Variants in ARHGEF18 observed in about 807,000 individuals in gnomAD.
ARHGEF18 encodes rho guanine nucleotide exchange factor 18.
Under a neutral mutation model 155.7 loss-of-function variants are expected in ARHGEF18, and 93 were observed. The ratio of observed to expected loss-of-function variants is 0.60; its 90% CI spans 0.50 to 0.71. The LOEUF (loss-of-function observed/expected upper bound fraction) is 0.71. Ranked by LOEUF, ARHGEF18 falls within the 30% of genes least tolerant of loss-of-function variation. The pLI is 0.00. For synonymous variants in ARHGEF18, 742 were observed against 753.1 expected (o/e 0.99, Z 0.24); for missense variants, 1,593 against 1,816.1 (o/e 0.88, Z 2.23).
At chr19:7,478,448 G>C in the ARHGEF18 span, 1 of 1,468,750 alleles carries the variant, frequency 6.8e-7, no homozygotes, top group South Asian at 1.2e-5. Context: ...CGCTGGCCCC[G>C]GACATACAGT....
chr19:7,370,440 G>A (rs975083055), intron 2 of ARHGEF18, among the ~76,000 whole-genome samples: 12 of 152,000 alleles, frequency 7.9e-5, no homozygotes, highest in Non-Finnish European at 1.5e-4. Flanking sequence ...AGCTTGCAGT[G>A]AGCTGAGATT....
At position 7,384,374 on chromosome 19, in the gene ARHGEF18, A is replaced by T. The variant is rs150313256; in HGVS notation, c.967+1171A>T. 2.9e-3 allele frequency among the ~76,000 whole-genome samples: 445 copies of T among 152,308 alleles called. 1 individual carries two copies. The highest frequency in any genetic ancestry group is 7.3e-3 in the African/African-American group (304 of 41,572). On this transcript the variant is annotated intron_variant, in intron 10 of 28. Transcript: ENST00000668164. ...AGACAGGAATCAATGGGTGAATGAG[A>T]TGGGCAAACAGATCCTAGATGGGCT...
intron 2 of ARHGEF18, among the ~76,000 whole-genome samples, chr19:7,367,125 A>G (rs1969921721): frequency 6.6e-6 from 1 of 152,188 alleles, no homozygotes; most frequent in African/African-American, 2.4e-5. Flanking sequence ...GCATTGCCCA[A>G]GCATCTCATT....
chr19:7,365,524 C>T (rs1382422437), intron 2 of ARHGEF18, among the ~76,000 whole-genome samples: 1 of 152,202 alleles, frequency 6.6e-6, no homozygotes, highest in African/African-American at 2.4e-5. Context: ...CTGCGCCCTC[C>T]CTGGGATCTG....
intron 10 of ARHGEF18, among the ~76,000 whole-genome samples, chr19:7,436,761 G>A (rs1180283574): frequency 6.6e-6 from 1 of 152,134 alleles, no homozygotes; most frequent in Non-Finnish European, 1.5e-5. Context: ...TTGCCTGGGT[G>A]GAGTTGAGTG....
rs185285214 is a variant in ARHGEF18 at position 7,463,126 on chromosome 19, G to A, written c.2636-692G>A. 7.2e-5 allele frequency among the ~76,000 whole-genome samples: 11 copies of A among 152,158 alleles called. No homozygotes were observed. Among genetic ancestry groups the A allele is most frequent in the Non-Finnish European group, 1.0e-4 (7 of 67,980 alleles). Reference sequence around the variant, plus strand: ...TGGGATTATAGGCGTGAGCCACCGCGCCCTGCCTCAATCTGCTCTTTCAAC... The same window carrying A: ...TGGGATTATAGGCGTGAGCCACCGCACCCTGCCTCAATCTGCTCTTTCAAC... On this transcript the variant is annotated intron_variant, in intron 21 of 28. Coordinates refer to ENST00000668164, the MANE Select transcript of ARHGEF18 (RefSeq NM_001367823.1). The surrounding 1 kb of genome is among the most constrained non-coding windows in gnomAD (Gnocchi z 5.2).
intron 6 of ARHGEF18, 110 bp from the exon 7 acceptor site, chr19:7,379,012 G>C: frequency 2.1e-6 from 2 of 947,544 alleles, no homozygotes; most frequent in Non-Finnish European, 2.7e-6. Context: ...TTTGAGTAGG[G>C]TCTGCATCAG....
At chr19:7,390,152 G>T (rs569095229) in intron 10 of ARHGEF18, among the ~76,000 whole-genome samples, 2 of 152,102 alleles carry the variant, frequency 1.3e-5, no homozygotes, top group Non-Finnish European at 2.9e-5. Context: ...GCTATGATTT[G>T]CCACTGCCCT....
At chr19:7,375,435 GAAAA>G in intron 3 of ARHGEF18, among the ~76,000 whole-genome samples, 1 of 151,190 alleles carries the variant, frequency 6.6e-6, no homozygotes, top group African/African-American at 2.4e-5. Flanking sequence ...AAGGAAGGAA[GAAAA>G]GAAAAGAAAG....
chr19:7,438,481 G>A (rs1974413527), intron 10 of ARHGEF18, among the ~76,000 whole-genome samples: 3 of 148,538 alleles, frequency 2.0e-5, no homozygotes, highest in Non-Finnish European at 4.5e-5. Flanking sequence ...GCACGGTCTC[G>A]GCTCACCACA....
At chr19:7,375,294 GAAAGAAAGAAAAGAAAGAA>G (rs1970389946) in intron 3 of ARHGEF18, among the ~76,000 whole-genome samples, 1 of 70,870 alleles carries the variant, frequency 1.4e-5, no homozygotes, top group African/African-American at 5.1e-5. Context: ...AGAAAGAAAA[GAAAGAAAGAAAAGAAAGAA>G]AAAGAAAGAA....
intron 10 of ARHGEF18, among the ~76,000 whole-genome samples, chr19:7,387,062 C>G (rs904797057): frequency 6.6e-6 from 1 of 152,102 alleles, no homozygotes; most frequent in African/African-American, 2.4e-5. Context: ...GATCTCCAAC[C>G]AGAACATGCG....
chr19:7,467,151 C>T (rs376405625), intron 25 of ARHGEF18, 33 bp downstream of exon 25: 33 of 1,582,052 alleles, frequency 2.1e-5, no homozygotes, highest in Non-Finnish European at 2.8e-5. Context: ...GCCACGCGTG[C>T]CCTTTCCTGG....
At chr19:7,467,726 GGTTTGCACGTGC>G in intron 26 of ARHGEF18, 42 bp downstream of exon 26, 5 of 1,421,432 alleles carry the variant, frequency 3.5e-6, no homozygotes, top group Non-Finnish European at 3.7e-6. Context: ...GGGGGTGACC[GGTTTGCACGTGC>G]ATTTGCACGA....
At chr19:7,458,761 C>A in intron 19 of ARHGEF18, 71 bp downstream of exon 19, 2 of 1,493,322 alleles carry the variant, frequency 1.3e-6, no homozygotes, top group African/African-American at 1.4e-5. Context: ...TGGCTTCGAC[C>A]GTTGGCCATC....
chr19:7,421,423 C>G (rs932003005), intron 10 of ARHGEF18, among the ~76,000 whole-genome samples: 3 of 152,112 alleles, frequency 2.0e-5, no homozygotes, highest in African/African-American at 4.8e-5. Flanking sequence ...ACTGTACCCC[C>G]CTCTTCTTTT....
chr19:7,435,399 C>A (rs1281484110), intron 10 of ARHGEF18, among the ~76,000 whole-genome samples: 1 of 152,110 alleles, frequency 6.6e-6, no homozygotes, highest in Non-Finnish European at 1.5e-5. Context: ...GGGCACACCA[C>A]ACAGGGGCCA....
chr19:7,440,013 GCT>G lies in ARHGEF18; in HGVS notation c.968-328_968-327del, dbSNP rs1974522505. 1 of 1,550,550 alleles carries G rather than the reference GCT, an allele frequency of 6.4e-7. No individual in the cohort carries two copies. Among genetic ancestry groups the G allele is most frequent in the Admixed American group, 2.0e-5 (1 of 50,946 alleles). On this transcript the variant is annotated intron_variant, in intron 10 of 28. Transcript: ENST00000668164. This position sits in a 1 kb window ranked among gnomAD's most constrained non-coding sequence, Gnocchi z 5.4. ...AGCCAATACAGCAAGGGAAGACGCAGCTCTGTTTTCTAGAAGGATCCCACCGA... is the reference window on the plus strand; with the variant it reads ...AGCCAATACAGCAAGGGAAGACGCAGCTGTTTTCTAGAAGGATCCCACCGA...
intron 10 of ARHGEF18, among the ~76,000 whole-genome samples, chr19:7,401,102 T>TA (rs1176187612): frequency 6.6e-6 from 1 of 152,276 alleles, no homozygotes; most frequent in Non-Finnish European, 1.5e-5. Context: ...TTAGTTCCCT[T>TA]ACGGGGGTGA....
Sources: allele counts gnomAD v4.1 joint callset (sites outside exome capture counted in the v4.1 genomes callset), GRCh38; gene constraint gnomAD v4.1.1; non-coding constraint Gnocchi (gnomAD v3.1); transcripts MANE v1.5; gene names NCBI Gene and HGNC (gene_info 2026-07-23, HGNC 2026-07-21).